TENM1: variants seen among roughly 807,000 people sequenced by gnomAD.
TENM1 encodes teneurin-1.
Under a neutral mutation model 174.8 loss-of-function variants are expected in TENM1, and 35 were observed. That is an observed-to-expected ratio of 0.20 (90% confidence interval 0.15 to 0.27). The LOEUF is 0.27. Among genes scored for constraint, TENM1 ranks in the 10% least tolerant of loss-of-function variants. The probability of loss-of-function intolerance (pLI) is 1.00; values close to 1 mark genes in which losing one functional copy is unlikely to be tolerated. For missense variants in TENM1, 1,633 were observed against 2,130.1 expected (o/e 0.77, Z 4.59); for synonymous variants, 781 against 798.7 (o/e 0.98, Z 0.37).
At chrX:124,739,621 C>T (rs763067897) in intron 3 of TENM1, among the ~76,000 whole-genome samples, 4 of 112,282 alleles carry the variant, frequency 3.6e-5, no homozygotes, top group South Asian at 3.7e-4. Context: ...TATGCTACTT[C>T]GGAACATAAA....
chrX:124,856,891 T>C (rs5956705), intron 3 of TENM1, among the ~76,000 whole-genome samples: 1,699 of 110,884 alleles, frequency 0.015, 35 homozygotes, highest in African/African-American at 0.053. Flanking sequence ...ACAGGGTAGA[T>C]TGGATAGGGT....
chrX:125,170,633 C>T, the TENM1 span, among the ~76,000 whole-genome samples: 6 of 110,924 alleles, frequency 5.4e-5, no homozygotes, highest in African/African-American at 1.6e-4. Flanking sequence ...AAAATAATTG[C>T]GCAAGTTCCT....
At chrX:124,692,373 A>G (rs942059405) in intron 5 of TENM1, among the ~76,000 whole-genome samples, 8 of 111,113 alleles carry the variant, frequency 7.2e-5, no homozygotes, top group African/African-American at 2.0e-4. Context: ...TCTGTATATC[A>G]AACTCCCTTG....
chrX:124,817,493 A>G (rs750261317), intron 3 of TENM1, among the ~76,000 whole-genome samples: 6 of 112,193 alleles, frequency 5.3e-5, no homozygotes, highest in Admixed American at 1.9e-4. Flanking sequence ...GGATTCTCAC[A>G]GTAGTGGCAG....
At chrX:124,675,040 C>T (rs763123949) in intron 5 of TENM1, among the ~76,000 whole-genome samples, 2 of 111,259 alleles carry the variant, frequency 1.8e-5, no homozygotes, top group African/African-American at 3.3e-5. Flanking sequence ...TAATTTTTCA[C>T]CATCGAATGA....
intron 4 of TENM1, among the ~76,000 whole-genome samples, chrX:124,721,758 A>C (rs991667799): frequency 8.9e-5 from 10 of 112,297 alleles, no homozygotes; most frequent in Non-Finnish European, 1.9e-4. Context: ...GTGTTATTAA[A>C]ATTTCCCAAG....
the TENM1 span, among the ~76,000 whole-genome samples, chrX:125,100,765 C>G: frequency 9.0e-6 from 1 of 110,645 alleles, no homozygotes; most frequent in Non-Finnish European, 1.9e-5. Context: ...ATGTTTTTCC[C>G]CTCCTTCTCC....
intron 1 of TENM1, among the ~76,000 whole-genome samples, chrX:124,905,585 T>A (rs772228939): frequency 4.5e-5 from 5 of 111,537 alleles, no homozygotes; most frequent in Non-Finnish European, 9.4e-5. Flanking sequence ...CCCTGAGATA[T>A]GAGAAACAAA....
intron 1 of TENM1, among the ~76,000 whole-genome samples, chrX:124,898,321 T>C (rs906222572): frequency 2.7e-5 from 3 of 111,267 alleles, no homozygotes; most frequent in Admixed American, 9.7e-5. Flanking sequence ...TTGAAGTGGA[T>C]GGGATCCAGG....
At chrX:124,991,195 T>G in the TENM1 span, among the ~76,000 whole-genome samples, 1 of 111,263 alleles carries the variant, frequency 9.0e-6, no homozygotes, top group Non-Finnish European at 1.9e-5. Context: ...TACTCTTACT[T>G]AGGAGCTTCA....
intron 17 of TENM1, among the ~76,000 whole-genome samples, chrX:124,522,153 T>C (rs2047864156): frequency 8.9e-6 from 1 of 111,813 alleles, no homozygotes; most frequent in Non-Finnish European, 1.9e-5. Context: ...TCTCCCTTTG[T>C]AAGCAAAGGG....
At chrX:124,907,099 T>C (rs1352070790) in intron 1 of TENM1, among the ~76,000 whole-genome samples, 2 of 112,000 alleles carry the variant, frequency 1.8e-5, no homozygotes, top group Non-Finnish European at 3.8e-5. Flanking sequence ...AAGATGTTTC[T>C]AGAAAATACA....
At chrX:125,073,041 T>C in the TENM1 span, among the ~76,000 whole-genome samples, 2 of 111,217 alleles carry the variant, frequency 1.8e-5, no homozygotes, top group African/African-American at 6.5e-5. Flanking sequence ...ATCAAATATA[T>C]GAGATCAAAC....
At chrX:124,710,812 A>G (rs995756912) in intron 4 of TENM1, among the ~76,000 whole-genome samples, 2 of 112,397 alleles carry the variant, frequency 1.8e-5, no homozygotes, top group African/African-American at 6.5e-5. Flanking sequence ...GTTGTGAACC[A>G]TGAAAAAGAG....
intron 6 of TENM1, among the ~76,000 whole-genome samples, chrX:124,654,697 A>G (rs769033581): frequency 4.5e-5 from 5 of 111,405 alleles, no homozygotes; most frequent in African/African-American, 1.6e-4. Context: ...GGCCTAGAGG[A>G]CCAGTCAAAA....
At chrX:124,697,266 GA>G (rs1296808093) in intron 5 of TENM1, among the ~76,000 whole-genome samples, 1 of 111,122 alleles carries the variant, frequency 9.0e-6, no homozygotes, top group Non-Finnish European at 1.9e-5. Context: ...AGGCTTTGAC[GA>G]GTAGAAAATT....
intron 11 of TENM1, among the ~76,000 whole-genome samples, chrX:124,607,497 T>C (rs1220935502): frequency 1.8e-5 from 2 of 111,064 alleles, no homozygotes; most frequent in African/African-American, 3.3e-5. Flanking sequence ...AGGAGCATTA[T>C]GAGAATACTG....
Position 124,823,200 on chromosome X carries a change from A to C in TENM1, c.535+71096T>G, listed in dbSNP as rs112988378. 3.1e-3 allele frequency among the ~76,000 whole-genome samples: 351 copies of C among 112,141 alleles called. 1 individual carries two copies. Among genetic ancestry groups the C allele is most frequent in the African/African-American group, 0.01 (316 of 30,917 alleles). ...TTCCTATAATATGGTAGACATCTAC[A>C]TGTTATATTTGGTACTAAAGGGCAA... is the stretch of plus-strand genomic sequence containing the variant. On this transcript the variant is annotated intron_variant, in intron 3 of 31. Transcript: ENST00000422452.
At chrX:124,982,471 A>T in the TENM1 span, among the ~76,000 whole-genome samples, 1 of 111,362 alleles carries the variant, frequency 9.0e-6, no homozygotes, top group African/African-American at 3.3e-5. Context: ...CTTATCCAGC[A>T]GGGAAGGGAG....
Sources: gnomAD v4.1 joint callset for allele counts (sites outside exome capture counted in the v4.1 genomes callset) on GRCh38, gnomAD v4.1.1 for gene constraint, MANE v1.5 for transcripts, NCBI Gene and HGNC (gene_info 2026-07-23, HGNC 2026-07-21) for gene names.